The following RGP1 variants were observed in gnomAD, a reference collection of about 807,000 sequenced individuals.
RGP1 encodes RAB6A-GEF complex partner protein 2.
RGP1 carries 28 observed loss-of-function variants against 44.5 expected under a neutral mutation model. The observed-to-expected ratio is 0.63, with a 90% CI of 0.47 to 0.86. The LOEUF is 0.86. Ranked by LOEUF, RGP1 falls within the 40% of genes least tolerant of loss-of-function variation. The probability of loss-of-function intolerance (pLI) is 0.00; values close to 1 mark genes in which losing one functional copy is unlikely to be tolerated. For synonymous variants in RGP1, 212 were observed against 196.7 expected, an observed-to-expected ratio of 1.08 and a Z score of -0.65; for missense variants, 417 against 490.7, an observed-to-expected ratio of 0.85 and a Z score of 1.42.
chr9:35,781,939 G>A, the RGP1 span, among the ~76,000 whole-genome samples: 1 of 148,478 alleles, frequency 6.7e-6, no homozygotes, highest in Non-Finnish European at 1.5e-5. Context: ...TTTACATATT[G>A]AAATACCTGT....
At chr9:35,789,928 A>G in the RGP1 span, among the ~76,000 whole-genome samples, 1 of 152,180 alleles carries the variant, frequency 6.6e-6, no homozygotes, top group African/African-American at 2.4e-5. Context: ...TTGGTTTTCA[A>G]TTATCTTTAA....
At chr9:35,772,383 G>T in the RGP1 span, 1 of 152,168 alleles carries the variant, frequency 6.6e-6, no homozygotes, top group Non-Finnish European at 1.5e-5. Flanking sequence ...CATGGTAAGA[G>T]TTTTAAGTAG....
Position 35,749,811 on chromosome 9 carries a change from C to A in RGP1, c.56C>A (p.Ala19Glu). The A allele has an allele frequency of 6.2e-7, 1 of 1,613,916 alleles. No individual in the cohort carries two copies. Among genetic ancestry groups the A allele is most frequent in the Non-Finnish European group, 8.5e-7 (1 of 1,179,826 alleles). Residue 19 changes from alanine to glutamate, a missense_variant, in exon 2 of 9, where the codon GCG (alanine) becomes GAG (glutamate). Transcript: ENST00000378078. The surrounding 1 kb of genome is among the most constrained non-coding windows in gnomAD (Gnocchi z 4.4). ...GGTCCTGTATTTTTGGCTGGGGAGGCGCTGGAGTGTGTAGTGACCGTCACC... is the reference window on the plus strand; with the variant it reads ...GGTCCTGTATTTTTGGCTGGGGAGGAGCTGGAGTGTGTAGTGACCGTCACC... ...SRGPVFLAGE[A>E]LECVVTVTNP...
chr9:35,774,825 C>G, the RGP1 span, among the ~76,000 whole-genome samples: 1 of 151,912 alleles, frequency 6.6e-6, no homozygotes, highest in South Asian at 2.1e-4. Context: ...GTACTATAAT[C>G]TTTTCAGTGT....
chr9:35,786,651 C>A, the RGP1 span: 1 of 152,178 alleles, frequency 6.6e-6, no homozygotes, highest in Non-Finnish European at 1.5e-5. Context: ...TCTTAGGAAT[C>A]TTTGGCCATC....
rs1827275480 is a variant in RGP1 at position 35,752,060 on chromosome 9, C to T, written c.867C>T (p.His289=). ...PSVSHVTHAR[H]QESCLHTTRT... ...TGTCACATGTGACTCACGCCCGGCACCAGGAATCCTGCCTACATACAACTA... is the reference window on the plus strand; with the variant it reads ...TGTCACATGTGACTCACGCCCGGCATCAGGAATCCTGCCTACATACAACTA... Residue 289 remains histidine (H), a synonymous_variant, in exon 8 of 9, where the codon CAC becomes CAT. Transcript: ENST00000378078. 5.6e-6 allele frequency: 9 copies of T among 1,611,224 alleles called. No individual in the cohort carries two copies. The East Asian group carries it at 2.0e-4, about 36-fold the overall frequency.
rs757049602 is a variant in RGP1, at chr9:35,752,813, C to G, written c.1115C>G (p.Thr372Ser). The change falls in exon 9 of 9, where the codon ACT becomes AGT. Residue 372 changes from threonine (T) to serine (S), a missense_variant. Coordinates refer to ENST00000378078, the MANE Select transcript of RGP1 (RefSeq NM_001080496.3). ...SWDLPIKVLP[T>S]SPTLASYAAP... ...GACCTGCCCATCAAGGTGCTGCCTA[C>G]TAGCCCCACCCTGGCCTCATATGCT... The G allele has an allele frequency of 1.9e-5, 30 of 1,613,774 alleles. No individual in the cohort carries two copies. The highest frequency in any genetic ancestry group is 1.0e-4 in the Admixed American group (6 of 59,994).
In RGP1 at chr9:35,752,936, T is replaced by C; in HGVS notation, c.*62T>C. 1.9e-6 allele frequency: 3 copies of C among 1,566,170 alleles called. No individual in the cohort carries two copies. Among genetic ancestry groups the C allele is most frequent in the East Asian group, 2.3e-5 (1 of 43,456 alleles). ...TGAGAACTCAGCACCTGGACTCTAA[T>C]GGGACCCACTTTTTCCACCTGGGGT... is the stretch of plus-strand genomic sequence containing the variant. On this transcript the variant is annotated 3_prime_UTR_variant, in exon 9 of 9. Coordinates refer to ENST00000378078, the MANE Select transcript of RGP1 (RefSeq NM_001080496.3).
chr9:35,767,293 T>TG, the RGP1 span, among the ~76,000 whole-genome samples: 1 of 150,462 alleles, frequency 6.6e-6, no homozygotes, highest in African/African-American at 2.4e-5. Flanking sequence ...GTTTTTTTTT[T>TG]TTTTTTTTTT....
the RGP1 span, among the ~76,000 whole-genome samples, chr9:35,789,669 G>C: frequency 1.3e-5 from 2 of 152,180 alleles, no homozygotes; most frequent in South Asian, 2.1e-4. Context: ...GTAGGAGTCT[G>C]GGTGACAGTG....
In RGP1 at chr9:35,749,377, G is replaced by A. The variant is rs558548162; in HGVS notation, c.-51G>A. 14 of 545,254 alleles carry A rather than the reference G, an allele frequency of 2.6e-5. No individual in the cohort carries two copies. Among genetic ancestry groups the A allele is most frequent in the African/African-American group, 2.3e-4 (12 of 52,504 alleles). 33.8% of individuals were successfully genotyped at this position (545,254 alleles called of 1,614,324 possible). A position where few individuals can be genotyped will look rare whatever the true frequency, so the allele number is the denominator to read the frequency against. On this transcript the variant is annotated 5_prime_UTR_variant, in exon 1 of 9. Coordinates refer to ENST00000378078, the MANE Select transcript of RGP1 (RefSeq NM_001080496.3). This position sits in a 1 kb window ranked among gnomAD's most constrained non-coding sequence, Gnocchi z 4.4. Reference sequence around the variant, plus strand: ...CTGAGGGGCGGGCAGATGAGGCCTAGGGGTGCCGATCCCTAGTGTCGACTA... The same window carrying A: ...CTGAGGGGCGGGCAGATGAGGCCTAAGGGTGCCGATCCCTAGTGTCGACTA...
Position 35,751,442 on chromosome 9 carries a change from C to A in RGP1, c.634+30C>A, listed in dbSNP as rs780944062. 3 of 1,613,092 alleles carry A rather than the reference C, an allele frequency of 1.9e-6. No individual in the cohort carries two copies. In the East Asian group the frequency reaches 6.7e-5, roughly 36 times the overall value. The stretch of plus-strand genomic sequence containing the variant: ...GAATTCTTTCAGAATTGTCCTACCC[C>A]ATCCTTCCCCTCATTGTTTTCCCAT... On this transcript the variant is annotated intron_variant, in intron 6 of 8. Coordinates refer to ENST00000378078, the MANE Select transcript of RGP1 (RefSeq NM_001080496.3).
At chr9:35,769,569 A>G in the RGP1 span, among the ~76,000 whole-genome samples, 2 of 152,220 alleles carry the variant, frequency 1.3e-5, no homozygotes, top group Non-Finnish European at 2.9e-5. Context: ...TTGGGAGAAC[A>G]TAGTTTGTAA....
At chr9:35,779,388 G>C in the RGP1 span, among the ~76,000 whole-genome samples, 2 of 152,172 alleles carry the variant, frequency 1.3e-5, no homozygotes. Context: ...CTCATTCCTT[G>C]GTTAAACTAT....
At chr9:35,787,107 A>AC in the RGP1 span, among the ~76,000 whole-genome samples, 1 of 149,934 alleles carries the variant, frequency 6.7e-6, no homozygotes, top group Admixed American at 6.6e-5. Context: ...CAAAAAAAAA[A>AC]ATTTTTTTTT....
Position 35,750,910 on chromosome 9 carries a change from C to G in RGP1, c.408C>G (p.Tyr136Ter). The G allele has an allele frequency of 6.2e-7, 1 of 1,614,026 alleles. No individual in the cohort carries two copies. The highest frequency in any genetic ancestry group is 8.5e-7 in the Non-Finnish European group (1 of 1,179,878). The change falls in exon 5 of 9, where the codon TAC becomes TAG. Residue 136 changes from tyrosine (Y) to a stop codon, truncating the protein, a stop_gained. Transcript: ENST00000378078. LOFTEE classifies it high-confidence loss of function. ...GGGGTCAGTCAGTCAAGTACGTCTA[C>G]AAACTGACCATTGGCTGCCAGCGTG... is the stretch of plus-strand genomic sequence containing the variant. The part of the protein sequence containing the change: ...SFRGQSVKYV[Y>*]KLTIGCQRVN...
Position 35,754,235 on chromosome 9 carries a change from T to C in RGP1, c.*1361T>C. The C allele has an allele frequency of 2.1e-6, 3 of 1,420,430 alleles. No individual in the cohort carries two copies. Among genetic ancestry groups the C allele is most frequent in the Non-Finnish European group, 2.8e-6 (3 of 1,054,070 alleles). The allele number at this position is 1,420,430 out of a possible 1,614,324, so 88.0% of individuals were successfully genotyped here. ...TGCTCCTTGAGTCTTAGTTTCTGTC[T>C]TTCTCCCCTGGGCTCCTGTCTCACA... On this transcript the variant is annotated 3_prime_UTR_variant, in exon 9 of 9. Coordinates refer to ENST00000378078, the MANE Select transcript of RGP1 (RefSeq NM_001080496.3).
chr9:35,751,428 G>T lies in RGP1; in HGVS notation c.634+16G>T. ...CGCAGCCTCCGTGAGAATTCTTTCA[G>T]AATTGTCCTACCCCATCCTTCCCCT... On this transcript the variant is annotated intron_variant, in intron 6 of 8. Transcript: ENST00000378078. The T allele has an allele frequency of 6.2e-7, 1 of 1,613,908 alleles. No homozygotes were observed.
chr9:35,789,579 G>A, the RGP1 span, among the ~76,000 whole-genome samples: 1 of 149,968 alleles, frequency 6.7e-6, no homozygotes, highest in South Asian at 2.1e-4. Context: ...AAGGCAAGAT[G>A]CTTGAATGTT....
Sources: gnomAD v4.1 joint callset for allele counts (sites outside exome capture counted in the v4.1 genomes callset) on GRCh38, gnomAD v4.1.1 for gene constraint, Gnocchi (gnomAD v3.1) non-coding constraint, MANE v1.5 for transcripts, NCBI Gene and HGNC (gene_info 2026-07-23, HGNC 2026-07-21) for gene names.